SYNPO2: variants seen among roughly 807,000 people sequenced by gnomAD.
The protein encoded by SYNPO2 is synaptopodin-2.
In SYNPO2, 56 loss-of-function variants were observed where a neutral mutation model predicts 85.0. The observed-to-expected ratio is 0.66, with a 90% CI of 0.53 to 0.82. The LOEUF (loss-of-function observed/expected upper bound fraction) is 0.82, where lower values mean the gene tolerates loss of function less well. Ranked by LOEUF, SYNPO2 falls within the 40% of genes least tolerant of loss-of-function variation. The pLI, the probability that SYNPO2 is intolerant of heterozygous loss-of-function variation, is 0.00. For missense variants in SYNPO2, 1,575 were observed against 1,534.2 expected, an observed-to-expected ratio of 1.03 and a Z score of -0.44; for synonymous variants, 602 against 591.1, an observed-to-expected ratio of 1.02 and a Z score of -0.27.
intron 1 of SYNPO2, among the ~76,000 whole-genome samples, chr4:118,868,894 A>C (rs1436078083): frequency 6.6e-6 from 1 of 152,126 alleles, no homozygotes; most frequent in Non-Finnish European, 1.5e-5. Context: ...TGTGCCACTG[A>C]TGTGGACAGA....
chr4:118,984,194 AC>A (rs1736134575), intron 1 of SYNPO2, among the ~76,000 whole-genome samples: 1 of 152,186 alleles, frequency 6.6e-6, no homozygotes, highest in Non-Finnish European at 1.5e-5. Context: ...TCCTTTCCAT[AC>A]AAAAGAAACT....
chr4:118,907,310 C>G (rs1732971030), intron 1 of SYNPO2, among the ~76,000 whole-genome samples: 1 of 152,090 alleles, frequency 6.6e-6, no homozygotes, highest in Non-Finnish European at 1.5e-5. Context: ...TGATTTATAG[C>G]TTTTATGTTT....
chr4:118,858,122 C>T (rs1411735464), intron 1 of SYNPO2, among the ~76,000 whole-genome samples: 1 of 152,148 alleles, frequency 6.6e-6, no homozygotes, highest in Non-Finnish European at 1.5e-5. Flanking sequence ...AATCCTCCTT[C>T]ATTAGAGAAG....
At chr4:118,937,706 G>A (rs79056066) in intron 1 of SYNPO2, among the ~76,000 whole-genome samples, 1 of 152,112 alleles carries the variant, frequency 6.6e-6, no homozygotes, top group South Asian at 2.1e-4. Context: ...TTTAAAAAAA[G>A]ATTATTGCAA....
intron 1 of SYNPO2, among the ~76,000 whole-genome samples, chr4:118,898,093 T>G: frequency 6.6e-6 from 1 of 152,302 alleles, no homozygotes; most frequent in Non-Finnish European, 1.5e-5. Context: ...TTTCCATGTC[T>G]TCTTGAAAAC....
chr4:119,031,395 C>G lies in SYNPO2; in HGVS notation c.2620C>G (p.Gln874Glu). Residue 874 changes from glutamine (Q) to glutamate (E), a missense_variant, in exon 4 of 5, where the codon CAG becomes GAG. Physicochemically the swap from Gln to Glu is conservative, Grantham distance 29 (BLOSUM62 2). Transcript: ENST00000307142. ...TCCAGGAATGAGTGGGAGAGGAGCT[C>G]AGCTCTTTGCTAAAAGGCAGTCGAG... ...ELPGMSGRGA[Q>E]LFAKRQSRME... 6.2e-7 allele frequency: 1 copy of G among 1,614,142 alleles called. No homozygotes were observed. Among genetic ancestry groups the G allele is most frequent in the Non-Finnish European group, 8.5e-7 (1 of 1,180,038 alleles).
At chr4:119,039,236 T>G (rs1578670669) in intron 4 of SYNPO2, among the ~76,000 whole-genome samples, 1 of 152,098 alleles carries the variant, frequency 6.6e-6, no homozygotes, top group African/African-American at 2.4e-5. Context: ...TAAAGAAAAC[T>G]TAAGGAACTT....
intron 1 of SYNPO2, among the ~76,000 whole-genome samples, chr4:118,971,964 T>C (rs1221426936): frequency 2.0e-5 from 3 of 152,302 alleles, no homozygotes; most frequent in Middle Eastern, 3.4e-3. Context: ...ATAGACCTCA[T>C]AGTGTGGTCC....
chr4:118,974,869 CGTT>C (rs1410931968), intron 1 of SYNPO2, among the ~76,000 whole-genome samples: 1 of 152,156 alleles, frequency 6.6e-6, no homozygotes, highest in Non-Finnish European at 1.5e-5. Context: ...GCTCTCATCA[CGTT>C]GTTTTTGCAG....
intron 1 of SYNPO2, among the ~76,000 whole-genome samples, chr4:118,936,752 T>C (rs1003268856): frequency 6.6e-6 from 1 of 152,174 alleles, no homozygotes; most frequent in African/African-American, 2.4e-5. Flanking sequence ...CAATTATCTA[T>C]TAAGCCTGTG....
chr4:119,030,020 C>A lies in SYNPO2; in HGVS notation c.1245C>A (p.Gly415=). ...RKYTLVSYGT[G]ELEREADEEE... ...ACACCCTAGTTAGCTACGGTACTGG[C>A]GAGCTTGAGCGAGAGGCGGACGAGG... The change falls in exon 4 of 5, where the codon GGC becomes GGA. Residue 415 remains glycine, a synonymous_variant. Transcript: ENST00000307142. The A allele has an allele frequency of 1.2e-6, 2 of 1,613,888 alleles. No individual in the cohort carries two copies. The highest frequency in any genetic ancestry group is 1.1e-5 in the South Asian group (1 of 91,056).
chr4:119,023,133 T>A (rs1380127631), intron 1 of SYNPO2, among the ~76,000 whole-genome samples: 1 of 152,224 alleles, frequency 6.6e-6, no homozygotes, highest in Non-Finnish European at 1.5e-5. Flanking sequence ...TTCACTCTTC[T>A]CTATTTTTTA....
intron 1 of SYNPO2, among the ~76,000 whole-genome samples, chr4:119,009,360 AG>A (rs1319531249): frequency 6.6e-6 from 1 of 152,210 alleles, no homozygotes; most frequent in Non-Finnish European, 1.5e-5. Context: ...AGAAGCATAT[AG>A]TTTAAATAAA....
intron 1 of SYNPO2, among the ~76,000 whole-genome samples, chr4:118,933,369 G>A (rs1733992896): frequency 6.6e-6 from 1 of 152,178 alleles, no homozygotes; most frequent in Admixed American, 6.5e-5. Context: ...CTACTGATGT[G>A]GGGTCTTAGT....
chr4:118,957,313 C>T (rs1213653400), intron 1 of SYNPO2, among the ~76,000 whole-genome samples: 1 of 152,176 alleles, frequency 6.6e-6, no homozygotes, highest in Non-Finnish European at 1.5e-5. Flanking sequence ...AAGAGGTAGA[C>T]TGGGTTCTGT....
chr4:119,054,063 A>T (rs1739133710), intron 4 of SYNPO2, among the ~76,000 whole-genome samples: 1 of 152,210 alleles, frequency 6.6e-6, no homozygotes, highest in Non-Finnish European at 1.5e-5. Flanking sequence ...CAGACTTGCA[A>T]CAGGGGTGCC....
intron 1 of SYNPO2, among the ~76,000 whole-genome samples, chr4:119,023,037 A>G (rs1373991108): frequency 6.6e-6 from 1 of 152,078 alleles, no homozygotes; most frequent in Non-Finnish European, 1.5e-5. Flanking sequence ...TGGCCTCCCA[A>G]AGTGCTGGGA....
chr4:119,038,571 A>T (rs1391101976), intron 4 of SYNPO2: 1 of 985,284 alleles, frequency 1.0e-6, no homozygotes, highest in Non-Finnish European at 1.2e-6. Flanking sequence ...AACTCAGGGA[A>T]CTTTCTTATT....
intron 1 of SYNPO2, among the ~76,000 whole-genome samples, chr4:118,935,284 C>T (rs1734062310): frequency 6.6e-6 from 1 of 152,144 alleles, no homozygotes; most frequent in Non-Finnish European, 1.5e-5. Flanking sequence ...ATAAGCCAGT[C>T]TCAGAAATGA....
Sources: gnomAD v4.1 joint callset for allele counts (sites outside exome capture counted in the v4.1 genomes callset) on GRCh38, gnomAD v4.1.1 for gene constraint, MANE v1.5 for transcripts, NCBI Gene and HGNC (gene_info 2026-07-23, HGNC 2026-07-21) for gene names.